Variants in CHL1 observed in about 807,000 individuals in gnomAD.
The protein encoded by CHL1 is cell adhesion molecule L1 like.
A neutral mutation model predicts 141.9 loss-of-function variants in CHL1; 96 were observed. The ratio of observed to expected loss-of-function variants is 0.68; its 90% CI spans 0.57 to 0.80. The LOEUF (loss-of-function observed/expected upper bound fraction) is 0.80, where lower values mean the gene tolerates loss of function less well. Among genes scored for constraint, CHL1 ranks in the 30% least tolerant of loss-of-function variants. The pLI is 0.00. For missense variants in CHL1, 1,820 were observed against 1,457.2 expected, an observed-to-expected ratio of 1.25 and a Z score of -4.05; for synonymous variants, 613 against 502.2, an observed-to-expected ratio of 1.22 and a Z score of -2.95.
chr3:231,575 C>CTT (rs5845954), intron 1 of CHL1, among the ~76,000 whole-genome samples: 3,511 of 100,524 alleles, frequency 0.035, 160 homozygotes, highest in East Asian at 0.11. Flanking sequence ...TTATTTCTTC[C>CTT]TTTTTTTTTT....
intron 20 of CHL1, among the ~76,000 whole-genome samples, chr3:390,240 A>G (rs1017975021): frequency 1.6e-4 from 25 of 152,224 alleles, no homozygotes; most frequent in Non-Finnish European, 3.4e-4. Flanking sequence ...CTGTAGTAAG[A>G]ACTCCTGTAG....
At chr3:267,893 T>C (rs1307719720) in intron 2 of CHL1, among the ~76,000 whole-genome samples, 7 of 152,206 alleles carry the variant, frequency 4.6e-5, no homozygotes, top group African/African-American at 1.7e-4. Context: ...ACAATTACCA[T>C]AGAAATGCAT....
intron 15 of CHL1, among the ~76,000 whole-genome samples, chr3:376,255 C>T (rs919547036): frequency 2.0e-5 from 3 of 152,134 alleles, no homozygotes; most frequent in Non-Finnish European, 2.9e-5. Context: ...CATAGTGTGA[C>T]CCCGTGTGTG....
At chr3:292,087 T>C (rs1278263792) in intron 2 of CHL1, among the ~76,000 whole-genome samples, 6 of 152,230 alleles carry the variant, frequency 3.9e-5, no homozygotes, top group Non-Finnish European at 1.5e-5. Context: ...TGTGTCTTGT[T>C]CTTTGCTGCT....
At chr3:367,730 TA>T (rs1281431827) in intron 15 of CHL1, among the ~76,000 whole-genome samples, 1 of 152,220 alleles carries the variant, frequency 6.6e-6, no homozygotes, top group Non-Finnish European at 1.5e-5. Context: ...GTTACATAGG[TA>T]TACATGTGCC....
At chr3:255,252 G>C (rs997084653) in intron 2 of CHL1, among the ~76,000 whole-genome samples, 4 of 152,196 alleles carry the variant, frequency 2.6e-5, no homozygotes, top group African/African-American at 9.7e-5. Context: ...GTTGTTTGTA[G>C]TTAAAAAGTC....
At chr3:256,415 G>T (rs1245568361) in intron 2 of CHL1, among the ~76,000 whole-genome samples, 1 of 152,190 alleles carries the variant, frequency 6.6e-6, no homozygotes, top group African/African-American at 2.4e-5. Context: ...ATCTAGAGTT[G>T]TACAACTCAG....
At position 197,021 on chromosome 3, in the gene CHL1, C is replaced by G. The variant is rs2125301816; in HGVS notation, c.-217C>G. The G allele has an allele frequency of 6.6e-6, 1 of 152,132 alleles. No individual in the cohort carries two copies. Among genetic ancestry groups the G allele is most frequent in the East Asian group, 2.0e-4 (1 of 5,102 alleles). 9.4% of individuals were successfully genotyped at this position (152,132 alleles called of 1,614,324 possible). ...CGGCCGGCTCGGGGGAGAAGGCGCC[C>G]GAGGGGAGGCGCCGGACAGATCGCG... On this transcript the variant is annotated 5_prime_UTR_variant, in exon 1 of 28. Coordinates refer to ENST00000256509, the MANE Select transcript of CHL1 (RefSeq NM_006614.4).
At chr3:347,501 A>C (rs1326180023) in intron 9 of CHL1, among the ~76,000 whole-genome samples, 1 of 152,188 alleles carries the variant, frequency 6.6e-6, no homozygotes, top group Non-Finnish European at 1.5e-5. Context: ...AATACTTTAG[A>C]TCATTATTTT....
intron 2 of CHL1, among the ~76,000 whole-genome samples, chr3:278,126 T>C (rs1046944783): frequency 6.6e-6 from 1 of 152,206 alleles, no homozygotes; most frequent in African/African-American, 2.4e-5. Context: ...CAAAATAGAA[T>C]ACTGAATACT....
At position 405,735 on chromosome 3, in the gene CHL1, A is replaced by G. The variant is rs1575318267; in HGVS notation, c.*24A>G. On this transcript the variant is annotated 3_prime_UTR_variant, in exon 28 of 28. Transcript: ENST00000256509. ...AAACACAACATATGTAAGCAACGCTACTGGTTCACCCCAACCTTCCATATT... is the reference window on the plus strand; with the variant it reads ...AAACACAACATATGTAAGCAACGCTGCTGGTTCACCCCAACCTTCCATATT... 2 of 1,548,470 alleles carry G rather than the reference A, an allele frequency of 1.3e-6. No individual in the cohort carries two copies. The highest frequency in any genetic ancestry group is 1.8e-6 in the Non-Finnish European group (2 of 1,121,188).
At chr3:385,298 C>G (rs1707549709) in intron 19 of CHL1, among the ~76,000 whole-genome samples, 1 of 152,098 alleles carries the variant, frequency 6.6e-6, no homozygotes, top group Non-Finnish European at 1.5e-5. Context: ...CCTCACTACT[C>G]CTTTGGGAGG....
intron 2 of CHL1, among the ~76,000 whole-genome samples, chr3:277,049 C>T (rs780851080): frequency 6.6e-6 from 1 of 151,896 alleles, no homozygotes. Flanking sequence ...TTGTACCTGC[C>T]TCATAGGATT....
Position 408,909 on chromosome 3 carries a change from A to G in CHL1, c.*3198A>G, listed in dbSNP as rs1709694446. 6.6e-6 allele frequency: 1 copy of G among 152,102 alleles called. No homozygotes were observed. The highest frequency in any genetic ancestry group is 1.5e-5 in the Non-Finnish European group (1 of 67,984). 9.4% of individuals were successfully genotyped at this position (152,102 alleles called of 1,614,324 possible). A position where few individuals can be genotyped will look rare whatever the true frequency, so the allele number is the denominator to read the frequency against. The stretch of plus-strand genomic sequence containing the variant: ...GTAGAGCACAATGGAATTATGCTGG[A>G]AGTCTCAAATAATATTTTTTTCCTA... On this transcript the variant is annotated 3_prime_UTR_variant, in exon 28 of 28. Coordinates refer to ENST00000256509, the MANE Select transcript of CHL1 (RefSeq NM_006614.4).
At chr3:346,747 A>G (rs1209147345) in intron 9 of CHL1, among the ~76,000 whole-genome samples, 3 of 152,172 alleles carry the variant, frequency 2.0e-5, no homozygotes, top group Admixed American at 6.5e-5. Context: ...GTCGTCTCTC[A>G]GAAGATGATA....
chr3:322,285 C>A (rs77229785), intron 3 of CHL1, among the ~76,000 whole-genome samples: 4 of 144,402 alleles, frequency 2.8e-5, no homozygotes, highest in Non-Finnish European at 6.0e-5. Flanking sequence ...TCAGATTTAT[C>A]GGGCAATAAT....
Position 406,400 on chromosome 3 carries a change from G to GTTTTT in CHL1, c.*699_*703dup, listed in dbSNP as rs5845970. Reference sequence around the variant, plus strand: ...TCCACAAGCATCACTTTTTGTGTCTGTTTTTTTTTTTTTTCTTGGACTAAA... The same window carrying GTTTTT: ...TCCACAAGCATCACTTTTTGTGTCTGTTTTTTTTTTTTTTTTTTTCTTGGACTAAA... On this transcript the variant is annotated 3_prime_UTR_variant, in exon 28 of 28. Transcript: ENST00000256509. 1 of 141,528 alleles carries GTTTTT rather than the reference G, an allele frequency of 7.1e-6. No individual in the cohort carries two copies. The highest frequency in any genetic ancestry group is 1.5e-5 in the Non-Finnish European group (1 of 64,682). The allele number at this position is 141,528 out of a possible 1,614,324, so 8.8% of individuals were successfully genotyped here. A position where few individuals can be genotyped will look rare whatever the true frequency, so the allele number is the denominator to read the frequency against.
At chr3:318,242 CAA>C (rs1333462064) in intron 2 of CHL1, among the ~76,000 whole-genome samples, 3 of 151,766 alleles carry the variant, frequency 2.0e-5, no homozygotes, top group Non-Finnish European at 4.4e-5. Context: ...TACATATATA[CAA>C]AAGATACAGG....
At chr3:227,219 C>T (rs1470820670) in intron 1 of CHL1, among the ~76,000 whole-genome samples, 1 of 152,120 alleles carries the variant, frequency 6.6e-6, no homozygotes, top group Non-Finnish European at 1.5e-5. Context: ...ATATTCCTTT[C>T]CTGTTTTCTG....
Sources: gnomAD v4.1 joint callset for allele counts (sites outside exome capture counted in the v4.1 genomes callset) on GRCh38, gnomAD v4.1.1 for gene constraint, MANE v1.5 for transcripts, NCBI Gene and HGNC (gene_info 2026-07-23, HGNC 2026-07-21) for gene names.